The following AK7 variants were observed in gnomAD, a reference collection of about 807,000 sequenced individuals.
AK7 encodes the protein adenylate kinase 7, also known as ATP-AMP transphosphorylase 7.
AK7 carries 78 observed loss-of-function variants against 96.6 expected under a neutral mutation model. That is an observed-to-expected ratio of 0.81 (90% CI 0.67 to 0.97). The LOEUF (loss-of-function observed/expected upper bound fraction) is 0.97. Among genes scored for constraint, AK7 ranks in the 50% least tolerant of loss-of-function variants. The pLI, the probability that AK7 is intolerant of heterozygous loss-of-function variation, is 0.00. For synonymous variants in AK7, 302 were observed against 317.2 expected (o/e 0.95, Z 0.51); for missense variants, 855 against 887.9 (o/e 0.96, Z 0.47).
At chr14:96,482,739 C>T (rs1035145872) in intron 15 of AK7, among the ~76,000 whole-genome samples, 13 of 152,146 alleles carry the variant, frequency 8.5e-5, no homozygotes, top group African/African-American at 3.1e-4. Flanking sequence ...AATCCATTCC[C>T]CCATTCAACC....
chr14:96,450,446 GAAACA>G (rs1395175196), intron 9 of AK7, among the ~76,000 whole-genome samples: 1 of 144,102 alleles, frequency 6.9e-6, no homozygotes, highest in Non-Finnish European at 1.5e-5. Flanking sequence ...AAAAAAAAAA[GAAACA>G]AAACAAAATG....
chr14:96,479,412 G>A (rs1384320639), intron 15 of AK7, among the ~76,000 whole-genome samples: 2 of 147,508 alleles, frequency 1.4e-5, no homozygotes, highest in Non-Finnish European at 3.0e-5. Flanking sequence ...AAAGAAATGT[G>A]TGTATGGTGC....
intron 5 of AK7, among the ~76,000 whole-genome samples, chr14:96,432,107 C>T (rs1276564126): frequency 6.6e-6 from 1 of 151,178 alleles, no homozygotes; most frequent in Non-Finnish European, 1.5e-5. Context: ...CCTTTTATTT[C>T]TTTCTCTTGC....
chr14:96,429,554 G>A (rs375913520), intron 5 of AK7, among the ~76,000 whole-genome samples: 7 of 152,158 alleles, frequency 4.6e-5, no homozygotes, highest in African/African-American at 1.4e-4. Flanking sequence ...ACCTTGGGCA[G>A]TATGGCCATT....
intron 5 of AK7, among the ~76,000 whole-genome samples, chr14:96,425,943 G>A (rs994478282): frequency 3.3e-5 from 5 of 151,996 alleles, no homozygotes; most frequent in Non-Finnish European, 7.4e-5. Flanking sequence ...AGATCAATGT[G>A]TCTTGTTTTT....
intron 7 of AK7, among the ~76,000 whole-genome samples, chr14:96,443,780 A>ATTTTTTCT (rs1893082739): frequency 7.3e-6 from 1 of 137,612 alleles, no homozygotes; most frequent in African/African-American, 2.8e-5. Flanking sequence ...AAAACTCATA[A>ATTTTTTCT]TTTTTTTTTT....
At chr14:96,393,379 TA>T (rs1359791662) in intron 1 of AK7, among the ~76,000 whole-genome samples, 1 of 152,330 alleles carries the variant, frequency 6.6e-6, no homozygotes, top group East Asian at 1.9e-4. Flanking sequence ...AGGGCTGTGG[TA>T]ACCAATTGCC....
At chr14:96,478,688 T>C in intron 15 of AK7, 26 bp downstream of exon 15, 1 of 1,609,138 alleles carries the variant, frequency 6.2e-7, no homozygotes, top group Non-Finnish European at 8.5e-7. Flanking sequence ...AAGGATAATG[T>C]GAATGTCCAG....
At chr14:96,474,512 G>C (rs1464283249) in intron 14 of AK7, among the ~76,000 whole-genome samples, 1 of 151,160 alleles carries the variant, frequency 6.6e-6, no homozygotes, top group Non-Finnish European at 1.5e-5. Context: ...TGTAGTCCCA[G>C]CTACTTGGAA....
At chr14:96,460,632 G>C (rs543627785) in intron 12 of AK7, among the ~76,000 whole-genome samples, 2 of 152,134 alleles carry the variant, frequency 1.3e-5, no homozygotes, top group Non-Finnish European at 2.9e-5. Context: ...TTGCCATAGA[G>C]GTTGTCCTCT....
At chr14:96,459,876 C>CA (rs199569530) in intron 12 of AK7, among the ~76,000 whole-genome samples, 1,848 of 147,690 alleles carry the variant, frequency 0.013, 33 homozygotes, top group African/African-American at 0.044. Context: ...GACTCCCTCT[C>CA]AAAAAAAAAG....
chr14:96,487,388 A>C lies in AK7; in HGVS notation c.2133+332A>C, dbSNP rs566349080. Among the ~76,000 whole-genome samples the C allele has an allele frequency of 1.2e-3, 173 of 147,684 alleles. 1 individual carries two copies. The highest frequency in any genetic ancestry group is 4.0e-3 in the African/African-American group (162 of 40,310). Reference sequence around the variant, plus strand: ...GACAGAGTGAGACTCCGTCTCAAAAAAAAAAAAAAAAAGAAAAAAAAAGAA... The same window carrying C: ...GACAGAGTGAGACTCCGTCTCAAAACAAAAAAAAAAAAGAAAAAAAAAGAA... On this transcript the variant is annotated intron_variant, in intron 17 of 17. Coordinates refer to ENST00000267584, the MANE Select transcript of AK7 (RefSeq NM_152327.5).
intron 5 of AK7, among the ~76,000 whole-genome samples, chr14:96,422,783 T>G (rs1453483923): frequency 2.0e-5 from 3 of 152,162 alleles, no homozygotes; most frequent in Non-Finnish European, 4.4e-5. Context: ...TTTCAGGGGG[T>G]CGCCCTATAG....
chr14:96,429,025 G>T (rs79112586), intron 5 of AK7, among the ~76,000 whole-genome samples: 128,400 of 152,196 alleles, frequency 0.84, 54,351 homozygotes, highest in East Asian at 0.96. Context: ...ATTTTAATCA[G>T]GAAGTCCTTG....
At chr14:96,457,482 G>A (rs1407485992) in intron 11 of AK7, among the ~76,000 whole-genome samples, 1 of 152,116 alleles carries the variant, frequency 6.6e-6, no homozygotes, top group African/African-American at 2.4e-5. Context: ...TATTTTAATT[G>A]GATGTTCTTG....
At chr14:96,453,649 C>T (rs1466948595) in intron 10 of AK7, among the ~76,000 whole-genome samples, 1 of 152,202 alleles carries the variant, frequency 6.6e-6, no homozygotes, top group African/African-American at 2.4e-5. Context: ...ATCAAGCAGC[C>T]TTATAAGACT....
At chr14:96,429,697 C>A (rs547237696) in intron 5 of AK7, among the ~76,000 whole-genome samples, 1 of 152,238 alleles carries the variant, frequency 6.6e-6, no homozygotes, top group African/African-American at 2.4e-5. Flanking sequence ...AAGTTGGATT[C>A]CTAGGTATTT....
At chr14:96,402,338 C>T (rs1890464500) in intron 2 of AK7, among the ~76,000 whole-genome samples, 1 of 152,122 alleles carries the variant, frequency 6.6e-6, no homozygotes, top group African/African-American at 2.4e-5. Context: ...TGGTCAGTCC[C>T]CATCGGGTCA....
At chr14:96,439,520 C>T (rs958684343) in intron 6 of AK7, among the ~76,000 whole-genome samples, 2 of 151,912 alleles carry the variant, frequency 1.3e-5, no homozygotes, top group African/African-American at 2.4e-5. Flanking sequence ...AAAAATTAGC[C>T]GGGCATGGTG....
Sources: allele counts gnomAD v4.1 joint callset (sites outside exome capture counted in the v4.1 genomes callset), GRCh38; gene constraint gnomAD v4.1.1; transcripts MANE v1.5; gene names NCBI Gene and HGNC (gene_info 2026-07-23, HGNC 2026-07-21).